The following GINS4 variants were observed in gnomAD, a reference collection of about 807,000 sequenced individuals.
GINS4 encodes GINS complex subunit 4.
Under a neutral mutation model 31.1 loss-of-function variants are expected in GINS4, and 20 were observed. The ratio of observed to expected loss-of-function variants is 0.64; its 90% CI spans 0.45 to 0.93. The LOEUF (loss-of-function observed/expected upper bound fraction) is 0.93, where lower values mean the gene tolerates loss of function less well. Among genes scored for constraint, GINS4 ranks in the 40% least tolerant of loss-of-function variants. The pLI is 0.00. For synonymous variants in GINS4, 85 were observed against 97.9 expected (o/e 0.87, Z 0.78); for missense variants, 245 against 273.9 (o/e 0.89, Z 0.75).
At chr8:41,540,592 G>C (rs1242616123) in intron 6 of GINS4, among the ~76,000 whole-genome samples, 1 of 152,236 alleles carries the variant, frequency 6.6e-6, no homozygotes, top group Non-Finnish European at 1.5e-5. Context: ...TGCCGAGCAA[G>C]GAAAGGGAGG....
Position 41,542,190 on chromosome 8 carries a change from G to A in GINS4, c.*103G>A, listed in dbSNP as rs769905897. 1.6e-5 allele frequency: 13 copies of A among 795,742 alleles called. No homozygotes were observed. Among genetic ancestry groups the A allele is most frequent in the Middle Eastern group, 3.0e-4 (1 of 3,288 alleles). The allele number at this position is 795,742 out of a possible 1,614,324, so 49.3% of individuals were successfully genotyped here. On this transcript the variant is annotated 3_prime_UTR_variant, in exon 8 of 8. Coordinates refer to ENST00000276533, the MANE Select transcript of GINS4 (RefSeq NM_032336.3). Reference sequence around the variant, plus strand: ...TGAGGTCAGGAGTTCGAGACCAACCGACCAACATGGTGAAACCCCATCTTT... The same window carrying A: ...TGAGGTCAGGAGTTCGAGACCAACCAACCAACATGGTGAAACCCCATCTTT...
At chr8:41,535,255 T>C (rs1004905925) in intron 2 of GINS4, among the ~76,000 whole-genome samples, 2 of 152,130 alleles carry the variant, frequency 1.3e-5, no homozygotes, top group Non-Finnish European at 2.9e-5. Context: ...GGAGAATCAC[T>C]TGAACCCGAG....
At position 41,541,361 on chromosome 8, in the gene GINS4, A is replaced by T. The variant is rs115879738; in HGVS notation, c.485-448A>T. Among the ~76,000 whole-genome samples the T allele has an allele frequency of 4.4e-3, 675 of 152,290 alleles. 9 individuals are homozygous for T. The highest frequency in any genetic ancestry group is 0.016 in the African/African-American group (659 of 41,570). On this transcript the variant is annotated intron_variant, in intron 6 of 7. Coordinates refer to ENST00000276533, the MANE Select transcript of GINS4 (RefSeq NM_032336.3). ...AATGCTGAGATCACAGGCATAAGCC[A>T]CTGTGCCTGGCCTATTCTCTTCTTA...
chr8:41,531,924 T>C (rs916321322), intron 2 of GINS4, among the ~76,000 whole-genome samples: 1 of 152,208 alleles, frequency 6.6e-6, no homozygotes, highest in African/African-American at 2.4e-5. Flanking sequence ...CCTGAGTAGC[T>C]GGGCCTACAG....
rs1306425044 is a variant in GINS4 at position 41,543,491 on chromosome 8, CAG to C, written c.*1407_*1408del. On this transcript the variant is annotated 3_prime_UTR_variant, in exon 8 of 8. Coordinates refer to ENST00000276533, the MANE Select transcript of GINS4 (RefSeq NM_032336.3). ...GGAATGGATGAAATTAATGTGCATG[CAG>C]AGTCTCACAGTGATGCCGGAAGGAA... 1 of 152,206 alleles carries C rather than the reference CAG, an allele frequency of 6.6e-6. No individual in the cohort carries two copies. The highest frequency in any genetic ancestry group is 1.5e-5 in the Non-Finnish European group (1 of 68,040). 9.4% of individuals were successfully genotyped at this position (152,206 alleles called of 1,614,324 possible).
intron 6 of GINS4, among the ~76,000 whole-genome samples, chr8:41,541,010 T>G (rs549649023): frequency 6.6e-6 from 1 of 152,274 alleles, no homozygotes; most frequent in East Asian, 1.9e-4. Flanking sequence ...AGATCACTAA[T>G]CCTAGTCTCT....
At chr8:41,532,021 G>A (rs889858030) in intron 2 of GINS4, among the ~76,000 whole-genome samples, 3 of 152,174 alleles carry the variant, frequency 2.0e-5, no homozygotes, top group Admixed American at 6.5e-5. Flanking sequence ...TGGCCAGGCT[G>A]GTCTTGAACT....
At chr8:41,541,565 C>T (rs1156775671) in intron 6 of GINS4, among the ~76,000 whole-genome samples, 8 of 152,144 alleles carry the variant, frequency 5.3e-5, no homozygotes, top group Admixed American at 5.2e-4. Flanking sequence ...GCAAGTCAGA[C>T]CCATACCAGA....
chr8:41,532,439 C>G (rs545071174), intron 2 of GINS4, among the ~76,000 whole-genome samples: 1 of 151,132 alleles, frequency 6.6e-6, no homozygotes, highest in Admixed American at 6.6e-5. Flanking sequence ...GCCTGTAGTT[C>G]TAGCAACTCA....
Position 41,544,986 on chromosome 8 carries a change from G to T in GINS4, c.*2899G>T, listed in dbSNP as rs1000262073. The stretch of plus-strand genomic sequence containing the variant: ...TAAATTACCTCTTCAAGAGAAGACT[G>T]GTTTTGATGTCATTTTTAAATAAAG... On this transcript the variant is annotated 3_prime_UTR_variant, in exon 8 of 8. Coordinates refer to ENST00000276533, the MANE Select transcript of GINS4 (RefSeq NM_032336.3). 3 of 152,146 alleles carry T rather than the reference G, an allele frequency of 2.0e-5. No homozygotes were observed. Among genetic ancestry groups the T allele is most frequent in the African/African-American group, 7.2e-5 (3 of 41,432 alleles). 9.4% of individuals were successfully genotyped at this position (152,146 alleles called of 1,614,324 possible).
chr8:41,529,903 G>A, intron 1 of GINS4: 3 of 268,098 alleles, frequency 1.1e-5, no homozygotes, highest in Non-Finnish European at 2.1e-5. Flanking sequence ...CTACTGGGAA[G>A]TCAAAGAAAT....
chr8:41,539,468 G>A (rs1806798338), intron 4 of GINS4, among the ~76,000 whole-genome samples: 3 of 151,668 alleles, frequency 2.0e-5, no homozygotes, highest in Non-Finnish European at 2.9e-5. Context: ...AATCCAAGCC[G>A]TCCCCTAGCC....
Position 41,530,237 on chromosome 8 carries a change from C to T in GINS4, c.35C>T (p.Ser12Phe), listed in dbSNP as rs1408642386. The change falls in exon 2 of 8, where the codon TCT becomes TTT. Residue 12 changes from serine to phenylalanine, a missense_variant. By Grantham distance (155) the Ser-to-Phe change is radical (BLOSUM62 -2). Transcript: ENST00000276533. Reference protein sequence around the residue: ...TEEVDFLGQDSDGGSEEVVLT... With the variant: ...TEEVDFLGQDFDGGSEEVVLT... Reference sequence around the variant, plus strand: ...GAAGTGGATTTCCTGGGACAGGACTCTGATGGGGGTAGTGAGGAAGTGGTC... The same window carrying T: ...GAAGTGGATTTCCTGGGACAGGACTTTGATGGGGGTAGTGAGGAAGTGGTC... The T allele has an allele frequency of 1.9e-6, 3 of 1,613,980 alleles. No homozygotes were observed. The highest frequency in any genetic ancestry group is 1.1e-5 in the South Asian group (1 of 91,078).
At chr8:41,541,273 C>G (rs955783733) in intron 6 of GINS4, among the ~76,000 whole-genome samples, 13 of 152,008 alleles carry the variant, frequency 8.6e-5, no homozygotes, top group African/African-American at 3.1e-4. Flanking sequence ...AGAATCTTGC[C>G]ATGTTGCGTA....
intron 2 of GINS4, 139 bp from the exon 3 acceptor site, chr8:41,536,221 A>G: frequency 2.8e-6 from 2 of 711,972 alleles, no homozygotes; most frequent in Non-Finnish European, 5.2e-6. Context: ...TCTTCAAAAC[A>G]CCTTCAATGT....
In GINS4 at chr8:41,537,225, A is replaced by T. The variant is rs1563254557; in HGVS notation, c.229A>T (p.Ile77Phe). The T allele has an allele frequency of 1.2e-6, 2 of 1,613,996 alleles. No homozygotes were observed. Among genetic ancestry groups the T allele is most frequent in the African/African-American group, 2.7e-5 (2 of 74,948 alleles). ...CAAAAGGGAGGACCTGAAGGTCAGC[A>T]TCCACCAAATGGAGATGGAGAGGAT... The part of the protein sequence containing the change: ...RAKREDLKVS[I>F]HQMEMERIRY... The change falls in exon 4 of 8, where the codon ATC (isoleucine) becomes TTC (phenylalanine). Residue 77 changes from isoleucine (I) to phenylalanine (F), a missense_variant. Ile to Phe is a conservative substitution (Grantham distance 21). Coordinates refer to ENST00000276533, the MANE Select transcript of GINS4 (RefSeq NM_032336.3).
At chr8:41,530,148 C>T (rs1440237767) in intron 1 of GINS4, 36 bp from the exon 2 acceptor site, 5 of 1,249,768 alleles carry the variant, frequency 4.0e-6, no homozygotes, top group South Asian at 1.2e-5. Flanking sequence ...AATTAGAAAA[C>T]GCATTGCAGA....
chr8:41,539,657 G>T (rs780006714), intron 4 of GINS4, 21 bp from the exon 5 acceptor site: 2 of 1,540,194 alleles, frequency 1.3e-6, no homozygotes, highest in South Asian at 2.2e-5. Flanking sequence ...TTTTCATGAA[G>T]ATTTTGCTTT....
At chr8:41,533,096 A>G (rs139214410) in intron 2 of GINS4, among the ~76,000 whole-genome samples, 104 of 152,352 alleles carry the variant, frequency 6.8e-4, no homozygotes, top group African/African-American at 2.3e-3. Flanking sequence ...AACAAATAGC[A>G]TTGAGAAAAT....
Sources: allele counts gnomAD v4.1 joint callset (sites outside exome capture counted in the v4.1 genomes callset), GRCh38; gene constraint gnomAD v4.1.1; transcripts MANE v1.5; gene names NCBI Gene and HGNC (gene_info 2026-07-23, HGNC 2026-07-21).